C11orf65: variants seen among roughly 807,000 people sequenced by gnomAD.
The protein encoded by C11orf65 is protein MFI.
C11orf65 carries 38 observed loss-of-function variants against 35.3 expected under a neutral mutation model. That is an observed-to-expected ratio of 1.08 (90% CI 0.83 to 1.41). The LOEUF is 1.41. Ranked by LOEUF, C11orf65 falls within the 40% of genes most tolerant of loss-of-function variation. The pLI, the probability that C11orf65 is intolerant of heterozygous loss-of-function variation, is 0.00. For missense variants in C11orf65, 370 were observed against 367.1 expected (o/e 1.01, Z -0.06); for synonymous variants, 105 against 114.4 (o/e 0.92, Z 0.53).
rs764713766 is a variant in C11orf65, at chr11:108,321,398, A to G, written c.641-12327T>C. 1.2e-5 allele frequency: 19 copies of G among 1,614,196 alleles called. No individual in the cohort carries two copies. The South Asian group carries it at 2.0e-4, about 17-fold the overall frequency. ...GTTGCAGGCCATTGGAGAGCTGGAAAGCATTGGGGAGCTTTTCTCAAGGTA... is the reference window on the plus strand; with the variant it reads ...GTTGCAGGCCATTGGAGAGCTGGAAGGCATTGGGGAGCTTTTCTCAAGGTA... On this transcript the variant is annotated intron_variant, in intron 6 of 6. Transcript: ENST00000525729.
chr11:108,369,005 ATCTATT>A (rs2091467360), intron 2 of C11orf65: 3 of 182,516 alleles, frequency 1.6e-5, no homozygotes, highest in Non-Finnish European at 3.5e-5. Flanking sequence ...TAATGAAATT[ATCTATT>A]TTCTATAGAT....
chr11:108,371,706 G>A (rs2091581098), intron 2 of C11orf65, among the ~76,000 whole-genome samples: 1 of 152,194 alleles, frequency 6.6e-6, no homozygotes, highest in Non-Finnish European at 1.5e-5. Context: ...ATTTACATGG[G>A]TATACAAATA....
intron 2 of C11orf65, among the ~76,000 whole-genome samples, chr11:108,371,202 C>T (rs227089): frequency 1 from 151,926 of 152,294 alleles, 75,779 homozygotes; most frequent in Middle Eastern, 1. Context: ...TGTTCATAGC[C>T]GGTATACTAC....
At chr11:108,436,933 C>T (rs1314137520) in intron 2 of C11orf65, among the ~76,000 whole-genome samples, 1 of 151,798 alleles carries the variant, frequency 6.6e-6, no homozygotes, top group Non-Finnish European at 1.5e-5. Context: ...CAAACAAAAG[C>T]TGAAGGGATT....
chr11:108,402,140 G>C (rs2092450649), intron 6 of C11orf65, among the ~76,000 whole-genome samples: 1 of 152,224 alleles, frequency 6.6e-6, no homozygotes, highest in Non-Finnish European at 1.5e-5. Flanking sequence ...GTGAGCTAAA[G>C]GCAATGAGAA....
intron 8 of C11orf65, among the ~76,000 whole-genome samples, chr11:108,383,572 T>C (rs1715690399): frequency 6.6e-6 from 1 of 152,236 alleles, no homozygotes; most frequent in African/African-American, 2.4e-5. Context: ...TAGTTGGTGC[T>C]CTGTAACTAT....
chr11:108,310,647 G>A (rs2084073477), intron 6 of C11orf65, among the ~76,000 whole-genome samples: 1 of 151,992 alleles, frequency 6.6e-6, no homozygotes, highest in African/African-American at 2.4e-5. Context: ...TTTTTCAAAT[G>A]ATTAAATTAT....
At chr11:108,342,698 A>T (rs567080147) in intron 2 of C11orf65, among the ~76,000 whole-genome samples, 20 of 152,224 alleles carry the variant, frequency 1.3e-4, no homozygotes, top group African/African-American at 2.2e-4. Context: ...ATATAATTTT[A>T]AAAAACTTTC....
intron 2 of C11orf65, among the ~76,000 whole-genome samples, chr11:108,457,536 C>A (rs1268572035): frequency 6.6e-6 from 1 of 151,824 alleles, no homozygotes; most frequent in Non-Finnish European, 1.5e-5. Flanking sequence ...CCCAGGTACT[C>A]GGGAGGCTGA....
At chr11:108,401,901 C>T (rs2092446164) in intron 6 of C11orf65, among the ~76,000 whole-genome samples, 1 of 152,214 alleles carries the variant, frequency 6.6e-6, no homozygotes, top group Non-Finnish European at 1.5e-5. Flanking sequence ...AACATAATTT[C>T]TGGCCAAAGC....
At chr11:108,368,530 C>A (rs145076930) in intron 2 of C11orf65, 2 of 216,840 alleles carry the variant, frequency 9.2e-6, no homozygotes, top group South Asian at 1.9e-4. Context: ...ATAAGTTGTC[C>A]AAGGCAAGAA....
downstream of C11orf65, among the ~76,000 whole-genome samples, chr11:108,329,484 A>G (rs2086036627): frequency 6.6e-6 from 1 of 151,358 alleles, no homozygotes; most frequent in African/African-American, 2.4e-5. Context: ...ACTGTACTCC[A>G]GCTCACTGCA....
At chr11:108,460,640 A>C (rs541996716) in intron 2 of C11orf65, among the ~76,000 whole-genome samples, 85 of 152,344 alleles carry the variant, frequency 5.6e-4, no homozygotes, top group African/African-American at 1.8e-3. Context: ...CCATTATAAA[A>C]GTGCCTGGCC....
At chr11:108,463,079 T>C (rs966590295) in intron 1 of C11orf65, among the ~76,000 whole-genome samples, 4 of 152,148 alleles carry the variant, frequency 2.6e-5, no homozygotes, top group African/African-American at 9.7e-5. Context: ...TGAGCTATGA[T>C]TGCACCACTG....
At chr11:108,457,016 T>A (rs1036208399) in intron 2 of C11orf65, among the ~76,000 whole-genome samples, 1 of 152,118 alleles carries the variant, frequency 6.6e-6, no homozygotes, top group Non-Finnish European at 1.5e-5. Flanking sequence ...TCTTGGCGGT[T>A]TGAAGATGGA....
downstream of C11orf65, chr11:108,382,728 C>T (rs2091891171): frequency 3.1e-6 from 3 of 967,782 alleles, no homozygotes; most frequent in South Asian, 1.4e-4. Context: ...CTCAAGTAAA[C>T]ATGCAAAATA....
At chr11:108,333,744 C>T (rs1418986816) in intron 3 of C11orf65, 3 of 760,258 alleles carry the variant, frequency 3.9e-6, no homozygotes, top group African/African-American at 1.7e-5. Context: ...GTGGCCAAAG[C>T]CCAGAGTCTT....
intron 2 of C11orf65, among the ~76,000 whole-genome samples, chr11:108,371,376 A>G (rs1288996739): frequency 6.6e-6 from 1 of 151,492 alleles, no homozygotes; most frequent in Non-Finnish European, 1.5e-5. Context: ...CCATTAAACA[A>G]CTCCCCACTC....
At chr11:108,308,941 A>C (rs4988064) in exon 7 of C11orf65, 3 of 1,336,278 alleles carry the variant, frequency 2.2e-6, no homozygotes, top group Non-Finnish European at 3.1e-6. Context: ...GTTGGGAGGC[A>C]GTTTTACCTT....
Sources: gnomAD v4.1 joint callset for allele counts (sites outside exome capture counted in the v4.1 genomes callset) on GRCh38, gnomAD v4.1.1 for gene constraint, MANE v1.5 for transcripts, NCBI Gene and HGNC (gene_info 2026-07-23, HGNC 2026-07-21) for gene names.